The following XIAP variants were observed in gnomAD, a reference collection of about 807,000 sequenced individuals.
The protein encoded by XIAP is X-linked inhibitor of apoptosis.
XIAP carries 3 observed loss-of-function variants against 33.1 expected under a neutral mutation model. That is an observed-to-expected ratio of 0.09 (90% confidence interval 0.04 to 0.23). The LOEUF (loss-of-function observed/expected upper bound fraction) is 0.23. XIAP is among the 10% of genes least tolerant of loss of function. The pLI, the probability that XIAP is intolerant of heterozygous loss-of-function variation, is 1.00. For synonymous variants in XIAP, 98 were observed against 121.3 expected, an observed-to-expected ratio of 0.81 and a Z score of 1.26; for missense variants, 264 against 363.0, an observed-to-expected ratio of 0.73 and a Z score of 2.22.
chrX:123,867,219 C>T (rs1437051449), intron 1 of XIAP, among the ~76,000 whole-genome samples: 13 of 106,958 alleles, frequency 1.2e-4, no homozygotes, highest in East Asian at 5.9e-4. Context: ...TACAGGTGCC[C>T]GCCACCACGC....
At chrX:123,893,514 G>A (rs7887518) in intron 5 of XIAP, among the ~76,000 whole-genome samples, 21,243 of 109,653 alleles carry the variant, frequency 0.19, 1,486 homozygotes, top group South Asian at 0.39. Flanking sequence ...GCGACAGAGC[G>A]AGATTCCGTC....
intron 1 of XIAP, among the ~76,000 whole-genome samples, chrX:123,864,635 A>AGTGT (rs748255094): frequency 0.026 from 2,227 of 84,572 alleles, 45 homozygotes; most frequent in African/African-American, 0.041. Flanking sequence ...CCCGGCTTAG[A>AGTGT]GTGTGTGTGT....
chrX:123,908,052 T>G lies in XIAP; in HGVS notation c.*871T>G, dbSNP rs1242888379. The G allele has an allele frequency of 9.2e-5, 34 of 368,785 alleles. No homozygotes were observed. Among genetic ancestry groups the G allele is most frequent in the African/African-American group, 6.8e-4 (27 of 39,508 alleles). 30.4% of individuals were successfully genotyped at this position (368,785 alleles called of 1,213,427 possible). A position where few individuals can be genotyped will look rare whatever the true frequency, so the allele number is the denominator to read the frequency against. On this transcript the variant is annotated 3_prime_UTR_variant, in exon 7 of 7. Transcript: ENST00000371199. ...TTGTTCTGTTCGAATTTTTTATAAG[T>G]ATGTATTACTTTTGTAATCAGAATT...
Position 123,867,046 on chromosome X carries a change from C to G in XIAP, c.-33+6753C>G, listed in dbSNP as rs1303087580. Among the ~76,000 whole-genome samples, 4 of 77,208 alleles carry G rather than the reference C, an allele frequency of 5.2e-5. No homozygotes were observed. The East Asian group carries it at 1.2e-3, about 23-fold the overall frequency. 67.0% of individuals were successfully genotyped at this position (77,208 alleles called of 115,157 possible). ...CTACAGGTTGTTTTAATCCCCCCCC[C>G]CCCTTCAACATTCTATAGTTAACAT... is the stretch of plus-strand genomic sequence containing the variant. On this transcript the variant is annotated intron_variant, in intron 1 of 6. Transcript: ENST00000371199.
chrX:123,906,017 AAAAT>A (rs1569479661), intron 6 of XIAP, among the ~76,000 whole-genome samples: 3 of 112,785 alleles, frequency 2.7e-5, no homozygotes, highest in Admixed American at 9.4e-5. Context: ...TAAAGATGCT[AAAAT>A]AAATAAATAG....
intron 3 of XIAP, among the ~76,000 whole-genome samples, chrX:123,889,996 C>CTTT (rs2053389561): frequency 4.5e-5 from 3 of 65,942 alleles, no homozygotes; most frequent in East Asian, 1.2e-3. Flanking sequence ...CAGTTGTTCA[C>CTTT]ATTTTTTTTT....
At position 123,900,688 on chromosome X, in the gene XIAP, A is replaced by T; in HGVS notation, c.1295A>T (p.Gln432Leu). 8.3e-7 allele frequency: 1 copy of T among 1,210,424 alleles called. No individual in the cohort carries two copies. Among genetic ancestry groups the T allele is most frequent in the Non-Finnish European group, 1.1e-6 (1 of 894,120 alleles). Reference protein sequence around the residue: ...MQDESSQTSLQKEISTEEQLR... With the variant: ...MQDESSQTSLLKEISTEEQLR... ...GATGAGTCAAGTCAGACTTCATTAC[A>T]GAAAGGTATGCATTGCTGTTTTTAA... Residue 432 changes from glutamine (Q) to leucine (L), a missense_variant, in exon 6 of 7, where the codon CAG becomes CTG. Gln to Leu is a moderately radical substitution (Grantham distance 113). Coordinates refer to ENST00000371199, the MANE Select transcript of XIAP (RefSeq NM_001167.4).
chrX:123,900,219 C>T (rs1037666963), intron 5 of XIAP, among the ~76,000 whole-genome samples: 2 of 111,885 alleles, frequency 1.8e-5, no homozygotes, highest in Non-Finnish European at 3.8e-5. Context: ...AAGCACTTAA[C>T]CTTTTTCTTG....
chrX:123,877,362 C>T (rs2053255736), intron 1 of XIAP, among the ~76,000 whole-genome samples: 2 of 111,679 alleles, frequency 1.8e-5, no homozygotes, highest in South Asian at 7.4e-4. Flanking sequence ...CCACCACGCC[C>T]GGCCATTAAC....
intron 1 of XIAP, among the ~76,000 whole-genome samples, chrX:123,862,374 AT>A (rs1379059878): frequency 2.4e-3 from 227 of 94,050 alleles, no homozygotes; most frequent in East Asian, 3.4e-3. Context: ...TGGCCAGTCC[AT>A]TTTTTTTTTT....
chrX:123,903,180 ATTTT>A (rs56868819), intron 6 of XIAP, among the ~76,000 whole-genome samples: 23,104 of 65,177 alleles, frequency 0.35, 3,124 homozygotes, highest in African/African-American at 0.45. Context: ...TTATTTTATA[ATTTT>A]TTTTTTTTTT....
chrX:123,865,017 T>TGTTC (rs2053122176), intron 1 of XIAP, among the ~76,000 whole-genome samples: 1 of 106,802 alleles, frequency 9.4e-6, no homozygotes, highest in Admixed American at 1.0e-4. Flanking sequence ...TGCTTTTTTA[T>TGTTC]GTTCGTCTGT....
At chrX:123,899,281 A>G (rs1776073950) in intron 5 of XIAP, among the ~76,000 whole-genome samples, 2 of 100,010 alleles carry the variant, frequency 2.0e-5, no homozygotes, top group African/African-American at 7.2e-5. Context: ...TTTTGTATAT[A>G]TATATGATTT....
In XIAP at chrX:123,869,362, C is replaced by CAA. The variant is rs57436822; in HGVS notation, c.-33+9090_-33+9091dup. On this transcript the variant is annotated intron_variant, in intron 1 of 6. Transcript: ENST00000371199. ...AAACCCCATCTCTACTAAAAAAATA[C>CAA]AAAAAAAAAAAAAAAAAAAAAAGCT... 2.4e-3 allele frequency among the ~76,000 whole-genome samples: 70 copies of CAA among 29,713 alleles called. 2 individuals are homozygous for CAA. Among genetic ancestry groups the CAA allele is most frequent in the African/African-American group, 5.9e-3 (39 of 6,666 alleles). The allele number at this position is 29,713 out of a possible 115,157, so 25.8% of individuals were successfully genotyped here.
At chrX:123,883,220 TTA>T in intron 1 of XIAP, among the ~76,000 whole-genome samples, 1 of 109,490 alleles carries the variant, frequency 9.1e-6, no homozygotes, top group Admixed American at 9.9e-5. Flanking sequence ...GTAGCTGGGA[TTA>T]CAGGTACCTG....
At chrX:123,899,057 G>A (rs772322778) in intron 5 of XIAP, among the ~76,000 whole-genome samples, 2 of 87,684 alleles carry the variant, frequency 2.3e-5, no homozygotes, top group African/African-American at 8.5e-5. Flanking sequence ...GGAGGTGGAG[G>A]TTGCAGTGAG....
chrX:123,873,382 C>T, intron 1 of XIAP, among the ~76,000 whole-genome samples: 1 of 108,502 alleles, frequency 9.2e-6, no homozygotes, highest in African/African-American at 3.4e-5. Flanking sequence ...CCATGTTGCC[C>T]AGGCTGGCCT....
Position 123,907,745 on chromosome X carries a change from G to T in XIAP, c.*564G>T, listed in dbSNP as rs1301264908. ...GCGAATTATTTTTTTAAAGTGATTT[G>T]CCATTTTTGAAAGCGTATTTAATGA... On this transcript the variant is annotated 3_prime_UTR_variant, in exon 7 of 7. Coordinates refer to ENST00000371199, the MANE Select transcript of XIAP (RefSeq NM_001167.4). 5.3e-6 allele frequency: 2 copies of T among 376,751 alleles called. No individual in the cohort carries two copies. Among genetic ancestry groups the T allele is most frequent in the African/African-American group, 5.0e-5 (2 of 39,945 alleles). The allele number at this position is 376,751 out of a possible 1,213,427, so 31.0% of individuals were successfully genotyped here.
chrX:123,880,240 C>G (rs965174569), intron 1 of XIAP, among the ~76,000 whole-genome samples: 5 of 94,434 alleles, frequency 5.3e-5, no homozygotes, highest in Admixed American at 4.9e-4. Context: ...TAGAGGAACC[C>G]TGTCTCTACT....
Sources: allele counts gnomAD v4.1 joint callset (sites outside exome capture counted in the v4.1 genomes callset), GRCh38; gene constraint gnomAD v4.1.1; transcripts MANE v1.5; gene names NCBI Gene and HGNC (gene_info 2026-07-23, HGNC 2026-07-21).